Variants in CASD1 observed in about 807,000 individuals in gnomAD.
The protein encoded by CASD1 is CAS1 domain sialic acid O acetyltransferase 1, also known as N-acetylneuraminate (7)9-O-acetyltransferase.
A neutral mutation model predicts 100.0 loss-of-function variants in CASD1; 41 were observed. That is an observed-to-expected ratio of 0.41 (90% CI 0.32 to 0.53). The LOEUF (loss-of-function observed/expected upper bound fraction) is 0.53, where lower values mean the gene tolerates loss of function less well. Among genes scored for constraint, CASD1 ranks in the 20% least tolerant of loss-of-function variants. The pLI, the probability that CASD1 is intolerant of heterozygous loss-of-function variation, is 0.25. For synonymous variants in CASD1, 321 were observed against 315.6 expected, an observed-to-expected ratio of 1.02 and a Z score of -0.18; for missense variants, 774 against 948.7, an observed-to-expected ratio of 0.82 and a Z score of 2.42.
At chr7:94,630,776 G>T in the CASD1 span, among the ~76,000 whole-genome samples, 4 of 151,804 alleles carry the variant, frequency 2.6e-5, no homozygotes, top group Non-Finnish European at 4.4e-5. Context: ...ACCCTATCAG[G>T]CCAGTTCTTT....
intron 10 of CASD1, among the ~76,000 whole-genome samples, chr7:94,543,186 G>T (rs1477358486): frequency 6.6e-6 from 1 of 152,146 alleles, no homozygotes; most frequent in African/African-American, 2.4e-5. Context: ...TGGATGCTGT[G>T]TAGAACTTAT....
In CASD1 at chr7:94,547,156, G is replaced by T. The variant is rs769855965; in HGVS notation, c.1694G>T (p.Cys565Phe). ...LKLGFLLLFI[C>F]FLAYSQGAFE... ...CTAGGCTTTTTGCTGTTATTCATAT[G>T]TTTTTTGGCATATTCTCAGGTTTGT... Residue 565 changes from cysteine to phenylalanine, a missense_variant, in exon 13 of 18, where the codon TGT becomes TTT. Cys to Phe is a radical substitution (Grantham distance 205). Coordinates refer to ENST00000297273, the MANE Select transcript of CASD1 (RefSeq NM_022900.5). The T allele has an allele frequency of 1.1e-5, 17 of 1,586,852 alleles. No individual in the cohort carries two copies. Among genetic ancestry groups the T allele is most frequent in the Non-Finnish European group, 1.5e-5 (17 of 1,165,624 alleles).
the CASD1 span, among the ~76,000 whole-genome samples, chr7:94,580,807 T>A: frequency 6.6e-6 from 1 of 152,216 alleles, no homozygotes; most frequent in East Asian, 1.9e-4. Context: ...CTGAAACATA[T>A]CATTCTCTTA....
chr7:94,552,086 A>G, intron 15 of CASD1: 1 of 380,986 alleles, frequency 2.6e-6, no homozygotes, highest in Non-Finnish European at 4.6e-6. Flanking sequence ...GGTGTTTCAT[A>G]TGGAGAGCCA....
Position 94,555,550 on chromosome 7 carries a change from T to C in CASD1, c.2186T>C (p.Leu729Pro). ...LAADTRGILV[L>P]IPGNPMLNII... is the part of the protein sequence containing the mutation. ...GCGGACACAAGGGGTATCTTGGTAC[T>C]GATACCTGGAAACCCTATGCTCAAC... Residue 729 changes from leucine to proline, a missense_variant, in exon 18 of 18, where the codon CTG (leucine) becomes CCG (proline). Physicochemically the swap from Leu to Pro is moderately conservative, Grantham distance 98 (BLOSUM62 -3). Around this residue, in one of 5 missense-constraint regions of CASD1, gnomAD observed 175 missense variants for 206.9 expected, o/e 0.85. Coordinates refer to ENST00000297273, the MANE Select transcript of CASD1 (RefSeq NM_022900.5). 2 of 1,613,002 alleles carry C rather than the reference T, an allele frequency of 1.2e-6. No homozygotes were observed. Among genetic ancestry groups the C allele is most frequent in the Non-Finnish European group, 1.7e-6 (2 of 1,179,218 alleles).
intron 1 of CASD1, among the ~76,000 whole-genome samples, chr7:94,517,268 G>A (rs767686874): frequency 6.6e-6 from 1 of 152,140 alleles, no homozygotes; most frequent in African/African-American, 2.4e-5. Flanking sequence ...GCTAATTTAA[G>A]GTTGAGATAA....
chr7:94,535,325 T>C lies in CASD1; in HGVS notation c.645T>C (p.Asp215=), dbSNP rs774625028. The change falls in exon 8 of 18, where the codon GAT becomes GAC. Residue 215 remains aspartate (D), a synonymous_variant. Transcript: ENST00000297273. ...YWVLQDPVYE[D]LLSENRKMIT... ...CACGTGCAGATCCTGTTTATGAAGA[T>C]CTATTAAGTGAAAATAGGAAGATGA... 1.3e-5 allele frequency: 21 copies of C among 1,611,936 alleles called. No homozygotes were observed. Among genetic ancestry groups the C allele is most frequent in the Admixed American group, 3.3e-5 (2 of 59,986 alleles).
At chr7:94,567,761 A>G in the CASD1 span, among the ~76,000 whole-genome samples, 1 of 152,194 alleles carries the variant, frequency 6.6e-6, no homozygotes, top group East Asian at 1.9e-4. Context: ...TGGTTCAAAA[A>G]TAAAATATTA....
At chr7:94,597,159 T>C in the CASD1 span, 1 of 152,134 alleles carries the variant, frequency 6.6e-6, no homozygotes, top group Non-Finnish European at 1.5e-5. Flanking sequence ...TAGACTTTAA[T>C]ATTTATATCC....
chr7:94,569,663 A>G, the CASD1 span, among the ~76,000 whole-genome samples: 3 of 152,068 alleles, frequency 2.0e-5, no homozygotes, highest in South Asian at 6.2e-4. Context: ...AGACTGGTCT[A>G]AAAATCCGGG....
At chr7:94,572,131 T>C in the CASD1 span, among the ~76,000 whole-genome samples, 1 of 152,154 alleles carries the variant, frequency 6.6e-6, no homozygotes, top group Non-Finnish European at 1.5e-5. Flanking sequence ...GAGAAGCTGA[T>C]GATTATGTGT....
intron 3 of CASD1, among the ~76,000 whole-genome samples, chr7:94,524,442 C>A (rs1794445732): frequency 6.6e-6 from 1 of 152,006 alleles, no homozygotes; most frequent in East Asian, 1.9e-4. Context: ...TTTTTTTATA[C>A]CTACTATAAT....
chr7:94,624,276 G>T, the CASD1 span: 1 of 397,422 alleles, frequency 2.5e-6, no homozygotes, highest in South Asian at 1.3e-4. Flanking sequence ...GGATAAAACT[G>T]ACTTCAACTA....
the CASD1 span, chr7:94,600,929 C>G: frequency 8.1e-7 from 1 of 1,231,248 alleles, no homozygotes; most frequent in Non-Finnish European, 1.2e-6. Context: ...GATCTGGATA[C>G]ACTAAAGCAT....
the CASD1 span, among the ~76,000 whole-genome samples, chr7:94,612,509 T>C: frequency 6.6e-6 from 1 of 152,222 alleles, no homozygotes. Flanking sequence ...TATGGCAGTA[T>C]AATTTCTTTT....
chr7:94,533,094 A>G, intron 5 of CASD1, 111 bp from the exon 6 acceptor site: 2 of 626,234 alleles, frequency 3.2e-6, no homozygotes, highest in South Asian at 3.1e-5. Context: ...AAAACTTAGA[A>G]TGAATTTAGA....
chr7:94,618,433 T>C, the CASD1 span: 1 of 248,304 alleles, frequency 4.0e-6, no homozygotes, highest in Non-Finnish European at 7.7e-6. Flanking sequence ...CTGCAGCTAA[T>C]AACTGGGGCG....
chr7:94,511,851 C>G (rs1793725505), intron 1 of CASD1, among the ~76,000 whole-genome samples: 1 of 152,132 alleles, frequency 6.6e-6, no homozygotes, highest in African/African-American at 2.4e-5. Context: ...GATCTGTCAT[C>G]AGCAGGGAGA....
At chr7:94,593,661 C>T in the CASD1 span, among the ~76,000 whole-genome samples, 1 of 151,948 alleles carries the variant, frequency 6.6e-6, no homozygotes, top group Non-Finnish European at 1.5e-5. Context: ...ACACCATTTT[C>T]CTCAGGCAGT....
Sources: allele counts gnomAD v4.1 joint callset (sites outside exome capture counted in the v4.1 genomes callset), GRCh38; gene constraint gnomAD v4.1.1; regional missense constraint gnomAD v4.1.1; transcripts MANE v1.5; gene names NCBI Gene and HGNC (gene_info 2026-07-23, HGNC 2026-07-21).